The following NOLC1 variants were observed in gnomAD, a reference collection of about 807,000 sequenced individuals.
The protein encoded by NOLC1 is nucleolar and coiled-body phosphoprotein 1.
Under a neutral mutation model 73.4 loss-of-function variants are expected in NOLC1, and 37 were observed. That is an observed-to-expected ratio of 0.50 (90% CI 0.39 to 0.66). The LOEUF is 0.66. Among genes scored for constraint, NOLC1 ranks in the 30% least tolerant of loss-of-function variants. NOLC1 has a pLI of 0.00. For missense variants in NOLC1, 921 were observed against 838.9 expected, an observed-to-expected ratio of 1.10 and a Z score of -1.21; for synonymous variants, 327 against 302.6, an observed-to-expected ratio of 1.08 and a Z score of -0.84.
rs185715122 is a variant in NOLC1 at position 102,162,285 on chromosome 10, G to A, written c.*16G>A. ...CAGCGAGTGACCTGAGGCCATCTTC[G>A]GTGAAGCAAGGGTGATGATCGGAGA... On this transcript the variant is annotated 3_prime_UTR_variant, in exon 13 of 13. Coordinates refer to ENST00000605788, the MANE Select transcript of NOLC1 (RefSeq NM_004741.5). The A allele has an allele frequency of 2.7e-5, 43 of 1,611,984 alleles. No individual in the cohort carries two copies. In the Admixed American group the frequency reaches 3.2e-4, roughly 12 times the overall value.
rs554186651 is a variant in NOLC1 at position 102,161,861 on chromosome 10, G to A, written c.1877G>A (p.Arg626Gln). Residue 626 changes from arginine (R) to glutamine (Q), a missense_variant, in exon 12 of 13, where the codon CGA becomes CAA. Arg to Gln is a conservative substitution (Grantham distance 43). Coordinates refer to ENST00000605788, the MANE Select transcript of NOLC1 (RefSeq NM_004741.5). ...KGEKRASSPF[R>Q]RVREEEIEVD... is the part of the protein sequence containing the mutation. ...GAAAAAAGGGCATCATCCCCATTCC[G>A]AAGGGTCAGGGAGGAGGAAATTGAG... 8.7e-6 allele frequency: 14 copies of A among 1,614,086 alleles called. No homozygotes were observed. Among genetic ancestry groups the A allele is most frequent in the Middle Eastern group, 1.6e-4 (1 of 6,062 alleles).
In NOLC1 at chr10:102,159,542, A is replaced by C; in HGVS notation, c.833A>C (p.Gln278Pro). Residue 278 changes from glutamine (Q) to proline (P), a missense_variant, in exon 7 of 13, where the codon CAA becomes CCA. Gln to Pro is a moderately conservative substitution (Grantham distance 76, BLOSUM62 -1). Transcript: ENST00000605788. ...EDSSSDEEEE[Q>P]KKPMKNKPGP... ...TCCTCCAGTGACGAGGAAGAGGAGC[A>C]AAAAAAACCCATGAAAAATAAACCA... 6.2e-7 allele frequency: 1 copy of C among 1,613,272 alleles called. No individual in the cohort carries two copies. Among genetic ancestry groups the C allele is most frequent in the East Asian group, 2.2e-5 (1 of 44,874 alleles).
At chr10:102,157,580 G>C in intron 4 of NOLC1, 25 bp downstream of exon 4, 1 of 1,608,742 alleles carries the variant, frequency 6.2e-7, no homozygotes, top group Non-Finnish European at 8.5e-7. Flanking sequence ...GAAGAAAAAG[G>C]GGTTTAAGGA....
In NOLC1 at chr10:102,158,268, T is replaced by G. The variant is rs2069633467; in HGVS notation, c.607+54T>G. ...CTGGGGACCAGATTGCTCTGGGGAC[T>G]GGAGTTAAAATTGCCGATTTGGCAC... On this transcript the variant is annotated intron_variant, in intron 5 of 12. Transcript: ENST00000605788. 1.2e-5 allele frequency: 18 copies of G among 1,540,470 alleles called. No individual in the cohort carries two copies. In the East Asian group the frequency reaches 3.9e-4, roughly 33 times the overall value.
In NOLC1 at chr10:102,163,617, G is replaced by A. The variant is rs2133766317; in HGVS notation, c.*1348G>A. The A allele has an allele frequency of 6.6e-6, 1 of 152,328 alleles. No homozygotes were observed. Among genetic ancestry groups the A allele is most frequent in the East Asian group, 1.9e-4 (1 of 5,184 alleles). The allele number at this position is 152,328 out of a possible 1,614,324, so 9.4% of individuals were successfully genotyped here. ...CAAGACGGAGAGGGAAGAGTCCACA[G>A]CTTTCTGGAAGCTAAGGCATTCTGG... is the stretch of plus-strand genomic sequence containing the variant. On this transcript the variant is annotated 3_prime_UTR_variant, in exon 13 of 13. Transcript: ENST00000605788.
intron 7 of NOLC1, 36 bp downstream of exon 7, chr10:102,159,604 G>A (rs2069665227): frequency 1.9e-6 from 3 of 1,602,778 alleles, no homozygotes; most frequent in Non-Finnish European, 1.7e-6. Context: ...GTGTGACTGT[G>A]GTCAGGGCCC....
At position 102,160,691 on chromosome 10, in the gene NOLC1, C is replaced by T; in HGVS notation, c.1339C>T (p.Pro447Ser). The change falls in exon 10 of 13, where the codon CCC becomes TCC. Residue 447 changes from proline to serine, a missense_variant. Pro to Ser is a moderately conservative substitution (Grantham distance 74). Transcript: ENST00000605788. The part of the protein sequence containing the change: ...KTKKMVATTK[P>S]KATAKAALSL... ...AAAGAAGATGGTGGCCACCACTAAG[C>T]CCAAGGCGACTGCCAAAGCAGCTCT... 1.2e-6 allele frequency: 2 copies of T among 1,614,012 alleles called. No homozygotes were observed. The highest frequency in any genetic ancestry group is 1.1e-5 in the South Asian group (1 of 91,080).
intron 1 of NOLC1, among the ~76,000 whole-genome samples, chr10:102,154,707 TTAGTAGAGA>T (rs1218360653): frequency 6.6e-6 from 1 of 152,098 alleles, no homozygotes; most frequent in Non-Finnish European, 1.5e-5. Context: ...GTTTGTATCT[TTAGTAGAGA>T]TGGGGTTTCA....
chr10:102,159,094 A>AAAAATG, intron 5 of NOLC1, 99 bp from the exon 6 acceptor site: 1 of 724,784 alleles, frequency 1.4e-6, no homozygotes, highest in Non-Finnish European at 2.1e-6. Context: ...AAAAAAAAAA[A>AAAAATG]TGGTGGACTC....
intron 1 of NOLC1, among the ~76,000 whole-genome samples, chr10:102,154,103 G>A (rs1329908069): frequency 7.6e-6 from 1 of 132,218 alleles, no homozygotes; most frequent in Non-Finnish European, 1.7e-5. Flanking sequence ...GCGGAGTCTG[G>A]CTCTGTCGCC....
chr10:102,161,823 T>A lies in NOLC1; in HGVS notation c.1849-10T>A. On this transcript the variant is annotated splice_polypyrimidine_tract_variant and intron_variant, in intron 11 of 12. Coordinates refer to ENST00000605788, the MANE Select transcript of NOLC1 (RefSeq NM_004741.5). The stretch of plus-strand genomic sequence containing the variant: ...CTCTGTCTTTAATTTCCTACTTCAT[T>A]CTTCTGTAGGGAGAAAAAAGGGCAT... 6.2e-7 allele frequency: 1 copy of A among 1,611,362 alleles called. No homozygotes were observed. The highest frequency in any genetic ancestry group is 8.5e-7 in the Non-Finnish European group (1 of 1,177,518).
Position 102,160,773 on chromosome 10 carries a change from A to T in NOLC1, c.1421A>T (p.Asp474Val). The T allele has an allele frequency of 6.2e-7, 1 of 1,614,258 alleles. No homozygotes were observed. The highest frequency in any genetic ancestry group is 8.5e-7 in the Non-Finnish European group (1 of 1,180,044). ...AGTAGGGACAGCAGCTCTGATTCAG[A>T]CAGCTCCAGCAGTGAGGAGGAGGAA... ...QGSRDSSSDS[D>V]SSSSEEEEEK... Residue 474 changes from aspartate (D) to valine (V), a missense_variant, in exon 10 of 13, where the codon GAC (aspartate) becomes GTC (valine). By Grantham distance (152) the Asp-to-Val change is radical. Transcript: ENST00000605788.
At chr10:102,157,703 T>TA in intron 4 of NOLC1, 148 bp downstream of exon 4, 1 of 1,006,112 alleles carries the variant, frequency 9.9e-7, no homozygotes, top group Admixed American at 2.9e-5. Context: ...AGGGAGCTGA[T>TA]AAAAGTATGA....
Position 102,152,410 on chromosome 10 carries a change from G to A in NOLC1, c.-1G>A, listed in dbSNP as rs1249151684. ...CGGTAGTGACGCGTATTGCCTGGAG[G>A]ATGGCGGACGCCGGCATTCGCCGCG... On this transcript the variant is annotated 5_prime_UTR_variant, in exon 1 of 13. Coordinates refer to ENST00000605788, the MANE Select transcript of NOLC1 (RefSeq NM_004741.5). The A allele has an allele frequency of 3.1e-6, 5 of 1,609,542 alleles. No homozygotes were observed. The highest frequency in any genetic ancestry group is 1.3e-5 in the African/African-American group (1 of 74,960).
chr10:102,158,516 T>G (rs1455447363), intron 5 of NOLC1, among the ~76,000 whole-genome samples: 1 of 152,252 alleles, frequency 6.6e-6, no homozygotes, highest in African/African-American at 2.4e-5. Context: ...CTGTAATCAC[T>G]TAAATATCTA....
chr10:102,152,422 C>T lies in NOLC1; in HGVS notation c.12C>T (p.Ala4=). ...GTATTGCCTGGAGGATGGCGGACGC[C>T]GGCATTCGCCGCGTGGTTCCCAGCG... MAD[A]GIRRVVPSDL... Residue 4 remains alanine (A), a synonymous_variant, in exon 1 of 13, where the codon GCC becomes GCT. Transcript: ENST00000605788. The T allele has an allele frequency of 6.2e-7, 1 of 1,611,044 alleles. No homozygotes were observed. The highest frequency in any genetic ancestry group is 8.5e-7 in the Non-Finnish European group (1 of 1,180,018).
In NOLC1 at chr10:102,160,250, G is replaced by C; in HGVS notation, c.1006G>C (p.Glu336Gln). ...SDESDSSSEE[E>Q]KKPPTKAVVS... ...CTCCTCAGATTCAAGTTCTGAAGAA[G>C]AGAAGAAACCCCCAACTAAGGCAGT... The change falls in exon 9 of 13, where the codon GAG becomes CAG. Residue 336 changes from glutamate (E) to glutamine (Q), a missense_variant. Physicochemically the swap from Glu to Gln is conservative, Grantham distance 29 (BLOSUM62 2). Coordinates refer to ENST00000605788, the MANE Select transcript of NOLC1 (RefSeq NM_004741.5). 1 of 1,614,154 alleles carries C rather than the reference G, an allele frequency of 6.2e-7. No homozygotes were observed. The highest frequency in any genetic ancestry group is 1.1e-5 in the South Asian group (1 of 91,082).
At chr10:102,161,194 C>A in intron 10 of NOLC1, 101 bp downstream of exon 10, 2 of 1,252,368 alleles carry the variant, frequency 1.6e-6, no homozygotes, top group Non-Finnish European at 2.2e-6. Flanking sequence ...CACCACTGGG[C>A]TTCCAGTTGT....
intron 4 of NOLC1, among the ~76,000 whole-genome samples, 198 bp from the exon 5 acceptor site, chr10:102,157,850 CT>C (rs1463044338): frequency 6.6e-6 from 1 of 152,056 alleles, no homozygotes; most frequent in Non-Finnish European, 1.5e-5. Context: ...TTCCTGGGAG[CT>C]TTGGCAGGAT....
Sources: allele counts gnomAD v4.1 joint callset (sites outside exome capture counted in the v4.1 genomes callset), GRCh38; gene constraint gnomAD v4.1.1; transcripts MANE v1.5; gene names NCBI Gene and HGNC (gene_info 2026-07-23, HGNC 2026-07-21).